The following LRRTM4 variants were observed in gnomAD, a reference collection of about 807,000 sequenced individuals.
LRRTM4 encodes the protein leucine-rich repeat transmembrane neuronal protein 4.
LRRTM4 carries 25 observed loss-of-function variants against 47.6 expected under a neutral mutation model. That is an observed-to-expected ratio of 0.53 (90% CI 0.38 to 0.73). The LOEUF is 0.73. Among genes scored for constraint, LRRTM4 ranks in the 30% least tolerant of loss-of-function variants. The pLI, the probability that LRRTM4 is intolerant of heterozygous loss-of-function variation, is 0.00. For synonymous variants in LRRTM4, 311 were observed against 269.5 expected (o/e 1.15, Z -1.51); for missense variants, 638 against 713.4 (o/e 0.89, Z 1.20).
At chr2:77,043,404 A>C (rs1053395838) in intron 3 of LRRTM4, among the ~76,000 whole-genome samples, 3 of 151,780 alleles carry the variant, frequency 2.0e-5, no homozygotes, top group Non-Finnish European at 4.4e-5. Flanking sequence ...CTCCAACTAT[A>C]ACACAACATA....
chr2:76,771,165 A>C (rs1376640897), intron 3 of LRRTM4, among the ~76,000 whole-genome samples: 1 of 152,230 alleles, frequency 6.6e-6, no homozygotes, highest in Non-Finnish European at 1.5e-5. Context: ...TTGAAAATAC[A>C]GTGACACAAT....
rs188926940 is a variant in LRRTM4 at position 77,414,387 on chromosome 2, T to C, written c.1551+103931A>G. On this transcript the variant is annotated intron_variant, in intron 3 of 3. Transcript: ENST00000409884. ...AAAAAGAGCGAAATACTTAGTACTATGTGAACAGTTTATTTACTTGTGTCA... is the reference window on the plus strand; with the variant it reads ...AAAAAGAGCGAAATACTTAGTACTACGTGAACAGTTTATTTACTTGTGTCA... 6.5e-3 allele frequency among the ~76,000 whole-genome samples: 984 copies of C among 152,296 alleles called. 6 individuals are homozygous for C. The highest frequency in any genetic ancestry group is 0.011 in the Non-Finnish European group (722 of 68,016).
chr2:77,491,816 C>T (rs1049741657), intron 3 of LRRTM4, among the ~76,000 whole-genome samples: 1 of 151,696 alleles, frequency 6.6e-6, no homozygotes, highest in East Asian at 1.9e-4. Flanking sequence ...ATGTGGGAGA[C>T]ATCAGAAATT....
chr2:77,072,247 A>T (rs1219562984), intron 3 of LRRTM4, among the ~76,000 whole-genome samples: 2 of 152,140 alleles, frequency 1.3e-5, no homozygotes, highest in African/African-American at 4.8e-5. Flanking sequence ...AACTAATTAC[A>T]GTTCTGACTC....
At chr2:77,473,126 G>A (rs1677254040) in intron 3 of LRRTM4, among the ~76,000 whole-genome samples, 9 of 151,956 alleles carry the variant, frequency 5.9e-5, no homozygotes, top group Admixed American at 5.9e-4. Context: ...GCAGTTTAGG[G>A]GACATTATTA....
At chr2:77,019,612 A>C (rs1678195715) in intron 3 of LRRTM4, among the ~76,000 whole-genome samples, 1 of 152,142 alleles carries the variant, frequency 6.6e-6, no homozygotes. Context: ...AGCTTGTATT[A>C]TTAACACTGC....
chr2:77,011,156 A>T (rs1018532799), intron 3 of LRRTM4, among the ~76,000 whole-genome samples: 4 of 152,064 alleles, frequency 2.6e-5, no homozygotes, highest in Non-Finnish European at 5.9e-5. Context: ...CTTAGTAAAA[A>T]GAAAGAGATA....
chr2:77,105,434 T>C (rs1279572759), intron 3 of LRRTM4, among the ~76,000 whole-genome samples: 1 of 141,362 alleles, frequency 7.1e-6, no homozygotes, highest in African/African-American at 2.7e-5. Context: ...ATGTTCTGAC[T>C]CATAGGTAGG....
rs559747777 is a variant in LRRTM4, at chr2:77,155,029, T to C, written c.1551+363289A>G. ...GTATAAATCCACATAATAGGCACTC[T>C]AGGAATCTGTTAATAGTGATCATGC... is the stretch of plus-strand genomic sequence containing the variant. On this transcript the variant is annotated intron_variant, in intron 3 of 3. Transcript: ENST00000409884. 5.2e-4 allele frequency among the ~76,000 whole-genome samples: 79 copies of C among 152,248 alleles called. No homozygotes were observed. The South Asian group carries it at 0.015, about 30-fold the overall frequency.
At chr2:77,310,555 A>T (rs370046663) in intron 3 of LRRTM4, among the ~76,000 whole-genome samples, 1 of 152,144 alleles carries the variant, frequency 6.6e-6, no homozygotes, top group Non-Finnish European at 1.5e-5. Context: ...GTTTGATAAC[A>T]GTTGTCTGGA....
intron 3 of LRRTM4, among the ~76,000 whole-genome samples, chr2:76,993,967 G>A (rs1459165842): frequency 6.6e-6 from 1 of 151,834 alleles, no homozygotes; most frequent in Non-Finnish European, 1.5e-5. Flanking sequence ...CAACATAGAT[G>A]CAGCTAAAGG....
intron 3 of LRRTM4, among the ~76,000 whole-genome samples, chr2:76,972,695 C>T (rs959666552): frequency 1.3e-5 from 2 of 151,990 alleles, no homozygotes; most frequent in African/African-American, 4.8e-5. Flanking sequence ...GCTGGGATTA[C>T]AGGTATGATC....
intron 3 of LRRTM4, among the ~76,000 whole-genome samples, chr2:77,281,179 T>C (rs932362924): frequency 1.2e-4 from 18 of 151,926 alleles, no homozygotes; most frequent in African/African-American, 3.9e-4. Flanking sequence ...CCCTCTATCC[T>C]CTATGCTGCT....
chr2:77,260,306 C>G (rs986720687), intron 3 of LRRTM4, among the ~76,000 whole-genome samples: 1 of 151,512 alleles, frequency 6.6e-6, no homozygotes, highest in African/African-American at 2.4e-5. Context: ...TCTCCAGGAG[C>G]TTCCTGCATT....
intron 3 of LRRTM4, among the ~76,000 whole-genome samples, chr2:76,773,732 T>A (rs1673820963): frequency 6.6e-6 from 1 of 150,722 alleles, no homozygotes; most frequent in South Asian, 2.1e-4. Context: ...ATATATAAAA[T>A]CAAAAAGATT....
At chr2:77,282,708 A>T (rs1255661450) in intron 3 of LRRTM4, among the ~76,000 whole-genome samples, 1 of 151,894 alleles carries the variant, frequency 6.6e-6, no homozygotes, top group Admixed American at 6.6e-5. Flanking sequence ...CAACCATCTA[A>T]TTTTTTACAA....
At chr2:76,929,200 G>A (rs1674686309) in intron 3 of LRRTM4, among the ~76,000 whole-genome samples, 1 of 152,146 alleles carries the variant, frequency 6.6e-6, no homozygotes, top group South Asian at 2.1e-4. Context: ...TTTAGGACCA[G>A]ACATATCACT....
intron 3 of LRRTM4, among the ~76,000 whole-genome samples, chr2:77,231,547 T>G (rs1674965185): frequency 6.6e-6 from 1 of 152,062 alleles, no homozygotes; most frequent in Admixed American, 6.6e-5. Context: ...TGGACATATA[T>G]AGAGATCTTA....
At chr2:76,759,809 C>T (rs1437357558) in intron 3 of LRRTM4, among the ~76,000 whole-genome samples, 1 of 152,106 alleles carries the variant, frequency 6.6e-6, no homozygotes, top group African/African-American at 2.4e-5. Context: ...AAATGTCATG[C>T]TTCTAGAGGG....
Sources: gnomAD v4.1 joint callset for allele counts (sites outside exome capture counted in the v4.1 genomes callset) on GRCh38, gnomAD v4.1.1 for gene constraint, MANE v1.5 for transcripts, NCBI Gene and HGNC (gene_info 2026-07-23, HGNC 2026-07-21) for gene names.